ALCAM: variants seen among roughly 807,000 people sequenced by gnomAD.
ALCAM encodes activated leukocyte cell adhesion molecule.
ALCAM carries 30 observed loss-of-function variants against 70.9 expected under a neutral mutation model. That is an observed-to-expected ratio of 0.42 (90% CI 0.32 to 0.57). The LOEUF (loss-of-function observed/expected upper bound fraction) is 0.57, where lower values mean the gene tolerates loss of function less well. Among genes scored for constraint, ALCAM ranks in the 20% least tolerant of loss-of-function variants. The pLI is 0.11. For missense variants in ALCAM, 591 were observed against 695.1 expected, an observed-to-expected ratio of 0.85 and a Z score of 1.68; for synonymous variants, 249 against 242.5, an observed-to-expected ratio of 1.03 and a Z score of -0.25.
chr3:105,527,006 G>T (rs1939721868), intron 3 of ALCAM, among the ~76,000 whole-genome samples: 1 of 152,170 alleles, frequency 6.6e-6, no homozygotes, highest in South Asian at 2.1e-4. Flanking sequence ...CCTGGCAAAT[G>T]ACCTTGCTAT....
At chr3:105,531,285 A>C (rs1179545706) in intron 3 of ALCAM, 2 of 152,116 alleles carry the variant, frequency 1.3e-5, no homozygotes, top group African/African-American at 4.8e-5. Flanking sequence ...TCTTAGAACT[A>C]CCTATATTTA....
chr3:105,546,108 T>G (rs985208611), intron 9 of ALCAM, among the ~76,000 whole-genome samples: 14 of 151,316 alleles, frequency 9.3e-5, no homozygotes, highest in Non-Finnish European at 1.9e-4. Context: ...AGGAAAAGGT[T>G]GTGATTGCGA....
intron 1 of ALCAM, among the ~76,000 whole-genome samples, chr3:105,384,778 ACT>A (rs1340837546): frequency 1.3e-5 from 2 of 151,376 alleles, no homozygotes; most frequent in Admixed American, 6.6e-5. Flanking sequence ...AAAAACTGTG[ACT>A]CTTTTTTAAT....
chr3:105,432,054 A>G (rs988608808), intron 1 of ALCAM, among the ~76,000 whole-genome samples: 1 of 152,168 alleles, frequency 6.6e-6, no homozygotes, highest in Non-Finnish European at 1.5e-5. Flanking sequence ...AATCTCTTCC[A>G]TATACATTTA....
chr3:105,395,428 A>C (rs1935925508), intron 1 of ALCAM, among the ~76,000 whole-genome samples: 1 of 151,956 alleles, frequency 6.6e-6, no homozygotes, highest in Admixed American at 6.6e-5. Context: ...TTATATCCAG[A>C]GATGTTTTCT....
chr3:105,402,475 G>T (rs530053373), intron 1 of ALCAM, among the ~76,000 whole-genome samples: 1 of 152,160 alleles, frequency 6.6e-6, no homozygotes, highest in African/African-American at 2.4e-5. Flanking sequence ...GGGGAGTCTC[G>T]TGGTTTGGGG....
intron 6 of ALCAM, among the ~76,000 whole-genome samples, chr3:105,537,788 C>T (rs1444462361): frequency 6.6e-6 from 1 of 152,084 alleles, no homozygotes; most frequent in Admixed American, 6.6e-5. Flanking sequence ...AGTTTGGTGT[C>T]TTTACAAATA....
intron 1 of ALCAM, among the ~76,000 whole-genome samples, chr3:105,487,876 G>T (rs188246460): frequency 6.6e-6 from 1 of 152,254 alleles, no homozygotes; most frequent in African/African-American, 2.4e-5. Context: ...TGACCAAGGG[G>T]CTTGCATGAG....
At chr3:105,432,894 T>G (rs760474635) in intron 1 of ALCAM, among the ~76,000 whole-genome samples, 1 of 152,158 alleles carries the variant, frequency 6.6e-6, no homozygotes, top group Non-Finnish European at 1.5e-5. Flanking sequence ...TCTAATCATA[T>G]TCTGTGAAAC....
chr3:105,425,263 C>A (rs978097645), intron 1 of ALCAM, among the ~76,000 whole-genome samples: 7 of 151,624 alleles, frequency 4.6e-5, no homozygotes, highest in African/African-American at 1.7e-4. Flanking sequence ...TTATGCTGTG[C>A]CTCATATGTT....
chr3:105,424,711 A>T (rs1936747234), intron 1 of ALCAM, among the ~76,000 whole-genome samples: 1 of 151,752 alleles, frequency 6.6e-6, no homozygotes, highest in Admixed American at 6.6e-5. Context: ...AAGACAAGTG[A>T]GGATGATTTT....
At chr3:105,438,987 T>C (rs1176544531) in intron 1 of ALCAM, among the ~76,000 whole-genome samples, 1 of 152,140 alleles carries the variant, frequency 6.6e-6, no homozygotes, top group African/African-American at 2.4e-5. Context: ...GACGAAGGTA[T>C]ATGAAATCAG....
intron 1 of ALCAM, among the ~76,000 whole-genome samples, chr3:105,376,504 A>G (rs1295653881): frequency 6.6e-6 from 1 of 152,238 alleles, no homozygotes; most frequent in Non-Finnish European, 1.5e-5. Flanking sequence ...ACAAATATTA[A>G]TGGAGTGCTC....
At chr3:105,507,898 C>T (rs1455831507) in intron 1 of ALCAM, among the ~76,000 whole-genome samples, 1 of 152,054 alleles carries the variant, frequency 6.6e-6, no homozygotes, top group Non-Finnish European at 1.5e-5. Flanking sequence ...ACTGTGCTAC[C>T]CCTGCCGTTT....
At chr3:105,549,315 A>T (rs1336340520) in intron 11 of ALCAM, among the ~76,000 whole-genome samples, 5 of 151,174 alleles carry the variant, frequency 3.3e-5, no homozygotes, top group Non-Finnish European at 3.0e-5. Flanking sequence ...CCCCTCCTCC[A>T]CCCCAGCAAC....
intron 1 of ALCAM, among the ~76,000 whole-genome samples, chr3:105,448,059 C>A (rs1490033227): frequency 6.6e-6 from 1 of 152,064 alleles, no homozygotes; most frequent in Non-Finnish European, 1.5e-5. Context: ...AACAAAAAAT[C>A]AGTTGGGATT....
At chr3:105,463,084 T>C (rs1278830923) in intron 1 of ALCAM, among the ~76,000 whole-genome samples, 3 of 151,506 alleles carry the variant, frequency 2.0e-5, no homozygotes, top group Non-Finnish European at 4.4e-5. Flanking sequence ...CAATACATTT[T>C]AACCTTATTT....
At chr3:105,436,174 T>C (rs1247674276) in intron 1 of ALCAM, among the ~76,000 whole-genome samples, 1 of 152,200 alleles carries the variant, frequency 6.6e-6, no homozygotes, top group Non-Finnish European at 1.5e-5. Flanking sequence ...ATGGGAATTA[T>C]GGAAGCTACA....
chr3:105,550,270 T>C lies in ALCAM; in HGVS notation c.1507+11T>C, dbSNP rs548889243. 6.3e-7 allele frequency: 1 copy of C among 1,576,386 alleles called. No individual in the cohort carries two copies. Among genetic ancestry groups the C allele is most frequent in the Admixed American group, 2.0e-5 (1 of 50,934 alleles). On this transcript the variant is annotated intron_variant, in intron 12 of 15. Transcript: ENST00000306107. The stretch of plus-strand genomic sequence containing the variant: ...TGAATGTCTCTGCTAGTGAGTATTT[T>C]ATTTCTGGCATTACAAAAGTAAGAA...
Sources: gnomAD v4.1 joint callset for allele counts (sites outside exome capture counted in the v4.1 genomes callset) on GRCh38, gnomAD v4.1.1 for gene constraint, MANE v1.5 for transcripts, NCBI Gene and HGNC (gene_info 2026-07-23, HGNC 2026-07-21) for gene names.